Variants in RBMS3 observed in about 807,000 individuals in gnomAD.
RBMS3 encodes the protein RNA binding motif single stranded interacting protein 3.
In RBMS3, 27 loss-of-function variants were observed where a neutral mutation model predicts 66.8. That is an observed-to-expected ratio of 0.40 (90% confidence interval 0.30 to 0.56). RBMS3 has a LOEUF of 0.56. Ranked by LOEUF, RBMS3 falls within the 20% of genes least tolerant of loss-of-function variation. The pLI is 0.40. For missense variants in RBMS3, 513 were observed against 549.5 expected, an observed-to-expected ratio of 0.93 and a Z score of 0.66; for synonymous variants, 188 against 183.0, an observed-to-expected ratio of 1.03 and a Z score of -0.22.
chr3:29,434,664 A>G (rs1254531954), intron 1 of RBMS3, 79 bp from the exon 2 acceptor site: 1 of 1,542,730 alleles, frequency 6.5e-7, no homozygotes, highest in South Asian at 1.3e-5. Flanking sequence ...CATAGCTTAC[A>G]TTGATTTCAA....
At chr3:29,542,164 A>G (rs1333994617) in intron 3 of RBMS3, among the ~76,000 whole-genome samples, 1 of 152,186 alleles carries the variant, frequency 6.6e-6, no homozygotes, top group Non-Finnish European at 1.5e-5. Flanking sequence ...GTTCTCAAAT[A>G]TTTGTTGAGA....
intron 1 of RBMS3, among the ~76,000 whole-genome samples, chr3:29,292,528 T>C (rs184085600): frequency 2.0e-5 from 3 of 152,018 alleles, no homozygotes; most frequent in Admixed American, 2.0e-4. Flanking sequence ...CTCTTTTTTA[T>C]GTCATTCTTG....
chr3:29,505,676 G>T (rs2044157792), intron 3 of RBMS3, among the ~76,000 whole-genome samples: 1 of 151,376 alleles, frequency 6.6e-6, no homozygotes, highest in Non-Finnish European at 1.5e-5. Context: ...TGGGTAGTAT[G>T]GGCATCTTAA....
At chr3:29,921,008 G>T (rs1438546779) in intron 10 of RBMS3, among the ~76,000 whole-genome samples, 1 of 152,118 alleles carries the variant, frequency 6.6e-6, no homozygotes, top group Non-Finnish European at 1.5e-5. Context: ...ATTAATATTT[G>T]TTGGGTCTAG....
chr3:29,474,099 C>G (rs149448202), intron 2 of RBMS3, among the ~76,000 whole-genome samples: 9 of 152,384 alleles, frequency 5.9e-5, no homozygotes, highest in African/African-American at 2.2e-4. Flanking sequence ...CCGCGCCCAG[C>G]GCCTCTTCTA....
chr3:29,957,027 T>C (rs1001108784), intron 12 of RBMS3, among the ~76,000 whole-genome samples: 5 of 152,154 alleles, frequency 3.3e-5, no homozygotes, highest in Non-Finnish European at 7.4e-5. Flanking sequence ...TCATCTAGAA[T>C]GTGTTTCCTT....
intron 3 of RBMS3, among the ~76,000 whole-genome samples, chr3:29,574,452 C>A (rs2047047553): frequency 6.6e-6 from 1 of 151,598 alleles, no homozygotes; most frequent in South Asian, 2.1e-4. Flanking sequence ...GTCTGTGGGT[C>A]TTTATACGTG....
chr3:29,304,863 C>A (rs1266343481), intron 1 of RBMS3, among the ~76,000 whole-genome samples: 1 of 151,886 alleles, frequency 6.6e-6, no homozygotes, highest in Non-Finnish European at 1.5e-5. Flanking sequence ...TTTTTCACTC[C>A]TCAAATTCTC....
chr3:29,641,568 A>T (rs1480890176), intron 4 of RBMS3, among the ~76,000 whole-genome samples: 3 of 152,106 alleles, frequency 2.0e-5, no homozygotes, highest in Admixed American at 1.3e-4. Flanking sequence ...ATACTTTTTA[A>T]ACAATAGATA....
intron 6 of RBMS3, among the ~76,000 whole-genome samples, chr3:29,831,876 A>C (rs1433282413): frequency 8.1e-6 from 1 of 123,738 alleles, no homozygotes; most frequent in African/African-American, 2.9e-5. Context: ...TTAAATAAAA[A>C]AAAATAACAT....
At chr3:29,813,360 A>G (rs963918149) in intron 6 of RBMS3, among the ~76,000 whole-genome samples, 2 of 152,156 alleles carry the variant, frequency 1.3e-5, no homozygotes, top group Non-Finnish European at 2.9e-5. Flanking sequence ...ATGAGTTAGG[A>G]TGTTTTACTA....
chr3:29,969,423 C>T (rs1577279422), intron 12 of RBMS3, among the ~76,000 whole-genome samples: 1 of 152,162 alleles, frequency 6.6e-6, no homozygotes, highest in Non-Finnish European at 1.5e-5. Context: ...GCAAGAGCTG[C>T]CTCAAATGAT....
At chr3:29,618,387 T>A (rs2048741887) in intron 4 of RBMS3, among the ~76,000 whole-genome samples, 1 of 151,934 alleles carries the variant, frequency 6.6e-6, no homozygotes, top group Non-Finnish European at 1.5e-5. Context: ...GTACCTGTAA[T>A]CCCAGCTACC....
chr3:29,997,517 C>T (rs1016729630), intron 14 of RBMS3, among the ~76,000 whole-genome samples: 3 of 149,822 alleles, frequency 2.0e-5, no homozygotes, highest in African/African-American at 7.5e-5. Context: ...CAAAAATCCT[C>T]AATAAAATAC....
intron 1 of RBMS3, among the ~76,000 whole-genome samples, chr3:29,401,207 A>G (rs1375258295): frequency 1.3e-5 from 2 of 152,028 alleles, no homozygotes; most frequent in South Asian, 2.1e-4. Context: ...TATTAAAAAG[A>G]AAGAGTTTCC....
intron 6 of RBMS3, among the ~76,000 whole-genome samples, chr3:29,817,193 T>TTTTTTTTTTC (rs1491235238): frequency 6.3e-5 from 2 of 31,912 alleles, no homozygotes; most frequent in Non-Finnish European, 1.5e-4. Context: ...TTTTCTTTTC[T>TTTTTTTTTTC]TTTTTTTTTT....
chr3:29,852,671 G>T (rs2058966207), intron 6 of RBMS3, among the ~76,000 whole-genome samples: 1 of 152,158 alleles, frequency 6.6e-6, no homozygotes, highest in African/African-American at 2.4e-5. Flanking sequence ...GCAGATGCTG[G>T]CAAGGTGGCA....
chr3:29,552,787 C>G (rs1295140262), intron 3 of RBMS3, among the ~76,000 whole-genome samples: 2 of 152,062 alleles, frequency 1.3e-5, no homozygotes, highest in Non-Finnish European at 2.9e-5. Context: ...TATGTGTTCT[C>G]TTTGCTTGTT....
At chr3:29,576,529 G>C (rs2047126882) in intron 3 of RBMS3, among the ~76,000 whole-genome samples, 1 of 152,118 alleles carries the variant, frequency 6.6e-6, no homozygotes. Context: ...ACAATTTACA[G>C]GTGGAAAATC....
Sources: gnomAD v4.1 joint callset for allele counts (sites outside exome capture counted in the v4.1 genomes callset) on GRCh38, gnomAD v4.1.1 for gene constraint, MANE v1.5 for transcripts, NCBI Gene and HGNC (gene_info 2026-07-23, HGNC 2026-07-21) for gene names.